The following RBFOX1 variants were observed in gnomAD, a reference collection of about 807,000 sequenced individuals.
The protein encoded by RBFOX1 is RNA binding protein fox-1 homolog 1.
In RBFOX1, 8 loss-of-function variants were observed where a neutral mutation model predicts 57.7. The observed-to-expected ratio is 0.14, with a 90% CI of 0.08 to 0.25. The LOEUF (loss-of-function observed/expected upper bound fraction) is 0.25, where lower values mean the gene tolerates loss of function less well. Among genes scored for constraint, RBFOX1 ranks in the 10% least tolerant of loss-of-function variants. RBFOX1 has a pLI of 1.00. For missense variants in RBFOX1, 611 were observed against 548.5 expected (o/e 1.11, Z -1.14); for synonymous variants, 326 against 222.4 (o/e 1.47, Z -4.15).
chr16:6,487,519 G>C (rs901474976), intron 2 of RBFOX1, among the ~76,000 whole-genome samples: 3 of 151,208 alleles, frequency 2.0e-5, no homozygotes, highest in African/African-American at 7.3e-5. Context: ...GGGTTTAAAA[G>C]AAAAGAGCTG....
chr16:6,974,518 A>C (rs1054744519), intron 3 of RBFOX1, among the ~76,000 whole-genome samples: 6 of 151,150 alleles, frequency 4.0e-5, no homozygotes, highest in African/African-American at 1.5e-4. Flanking sequence ...CTAATTGTTG[A>C]ATTTTTAGTA....
chr16:6,892,782 C>CTCTCTCTT (rs2065810513), intron 3 of RBFOX1, among the ~76,000 whole-genome samples: 1 of 40,972 alleles, frequency 2.4e-5, no homozygotes, highest in South Asian at 8.1e-4. Flanking sequence ...CTCCCTCTCT[C>CTCTCTCTT]TCTCTCTCTC....
intron 2 of RBFOX1, among the ~76,000 whole-genome samples, chr16:5,503,709 G>A (rs1435934164): frequency 1.3e-5 from 2 of 152,130 alleles, no homozygotes; most frequent in Admixed American, 1.3e-4. Flanking sequence ...CTCCCAAAGT[G>A]CTGGTATTAC....
chr16:7,406,529 T>A (rs1320440014), intron 4 of RBFOX1, among the ~76,000 whole-genome samples: 2 of 152,172 alleles, frequency 1.3e-5, no homozygotes, highest in Admixed American at 6.5e-5. Flanking sequence ...GAGTGGACAG[T>A]AAATTAGAGA....
At chr16:6,015,486 G>A (rs886504422), upstream of RBFOX1, among the ~76,000 whole-genome samples, 6 of 152,128 alleles carry the variant, frequency 3.9e-5, no homozygotes, top group African/African-American at 7.2e-5. Flanking sequence ...AAGCAAATAC[G>A]CCTTACAAAT....
At chr16:5,845,860 G>C (rs1236613923) in intron 3 of RBFOX1, among the ~76,000 whole-genome samples, 1 of 152,092 alleles carries the variant, frequency 6.6e-6, no homozygotes, top group African/African-American at 2.4e-5. Context: ...TATCTTTTGA[G>C]GGTAATGAGT....
chr16:7,453,546 G>A (rs1444764129), intron 4 of RBFOX1, among the ~76,000 whole-genome samples: 1 of 152,172 alleles, frequency 6.6e-6, no homozygotes, highest in Non-Finnish European at 1.5e-5. Flanking sequence ...TGTTCATAGT[G>A]TATGACAGTA....
intron 1 of RBFOX1, among the ~76,000 whole-genome samples, chr16:6,141,464 T>G (rs1404186319): frequency 6.6e-6 from 1 of 152,084 alleles, no homozygotes; most frequent in Non-Finnish European, 1.5e-5. Flanking sequence ...CAAACTCACC[T>G]CCATTTCTCT....
chr16:5,993,340 CGTGTGTGTGTGTGTGTGTGTGTGT>C (rs58189800), intron 4 of RBFOX1, among the ~76,000 whole-genome samples: 1,592 of 132,940 alleles, frequency 0.012, 27 homozygotes, highest in African/African-American at 0.042. Context: ...TAATGCTGTA[CGTGTGTGTGTGTGTGTGTGTGTGT>C]GTGTGTGTGT....
At chr16:6,415,045 C>T (rs981101855) in intron 2 of RBFOX1, among the ~76,000 whole-genome samples, 2 of 151,914 alleles carry the variant, frequency 1.3e-5, no homozygotes, top group Non-Finnish European at 2.9e-5. Context: ...GAGTTCGAGA[C>T]CAGCCTGGCC....
At chr16:7,269,833 A>G (rs1418756121) in intron 4 of RBFOX1, among the ~76,000 whole-genome samples, 2 of 152,308 alleles carry the variant, frequency 1.3e-5, no homozygotes, top group East Asian at 3.9e-4. Flanking sequence ...AATAGATTTT[A>G]TGTTGCTTTT....
At chr16:7,642,954 T>G (rs2063094281) in intron 11 of RBFOX1, among the ~76,000 whole-genome samples, 1 of 152,228 alleles carries the variant, frequency 6.6e-6, no homozygotes, top group African/African-American at 2.4e-5. Flanking sequence ...TGTCGATACC[T>G]GTGAGTAGGC....
At chr16:7,063,295 C>A (rs1181425893) in intron 4 of RBFOX1, among the ~76,000 whole-genome samples, 1 of 151,870 alleles carries the variant, frequency 6.6e-6, no homozygotes, top group Non-Finnish European at 1.5e-5. Context: ...GTAAGATATT[C>A]CCCCCAACCC....
At chr16:7,539,052 T>A (rs1024049108) in intron 5 of RBFOX1, among the ~76,000 whole-genome samples, 1 of 152,160 alleles carries the variant, frequency 6.6e-6, no homozygotes, top group Non-Finnish European at 1.5e-5. Context: ...CCTTGGCATT[T>A]GCTATGTGCT....
chr16:7,477,765 C>G (rs537267056), intron 4 of RBFOX1, among the ~76,000 whole-genome samples: 1 of 152,216 alleles, frequency 6.6e-6, no homozygotes, highest in African/African-American at 2.4e-5. Context: ...ATGACCTTTC[C>G]CTTCTCTTCC....
intron 1 of RBFOX1, among the ~76,000 whole-genome samples, chr16:5,249,067 T>TA (rs2062379422): frequency 6.6e-6 from 1 of 150,398 alleles, no homozygotes; most frequent in Non-Finnish European, 1.5e-5. Context: ...GCCAGGACCT[T>TA]AAAGGCACGG....
In RBFOX1 at chr16:7,613,667, A is replaced by T. The variant is rs554198076; in HGVS notation, c.676+6329A>T. On this transcript the variant is annotated intron_variant, in intron 10 of 15. Coordinates refer to ENST00000550418, the MANE Select transcript of RBFOX1 (RefSeq NM_018723.4). ...TTTCTGTGGGCTAGAGTGAACCATG[A>T]TTCATCTCAGAATTGGGTCAAAAGA... 8.5e-5 allele frequency among the ~76,000 whole-genome samples: 13 copies of T among 152,252 alleles called. 1 individual carries two copies. In the South Asian group the frequency reaches 2.7e-3, roughly 32 times the overall value.
chr16:6,960,173 A>T (rs1342037813), intron 3 of RBFOX1, among the ~76,000 whole-genome samples: 1 of 152,080 alleles, frequency 6.6e-6, no homozygotes, highest in East Asian at 1.9e-4. Flanking sequence ...AACTCCCCAC[A>T]CCTCCATGAT....
intron 4 of RBFOX1, among the ~76,000 whole-genome samples, chr16:7,281,216 T>G (rs1418377123): frequency 2.6e-5 from 4 of 151,912 alleles, no homozygotes; most frequent in African/African-American, 9.7e-5. Flanking sequence ...TTGGCCAAGC[T>G]GGTCTCAGAC....
Sources: gnomAD v4.1 joint callset for allele counts (sites outside exome capture counted in the v4.1 genomes callset) on GRCh38, gnomAD v4.1.1 for gene constraint, MANE v1.5 for transcripts, NCBI Gene and HGNC (gene_info 2026-07-23, HGNC 2026-07-21) for gene names.